The following GALNTL6 variants were observed in gnomAD, a reference collection of about 807,000 sequenced individuals.
GALNTL6 encodes the protein polypeptide N-acetylgalactosaminyltransferase like 6.
In GALNTL6, 46 loss-of-function variants were observed where a neutral mutation model predicts 73.7. That is an observed-to-expected ratio of 0.62 (90% CI 0.49 to 0.80). The LOEUF is 0.80. Ranked by LOEUF, GALNTL6 falls within the 30% of genes least tolerant of loss-of-function variation. GALNTL6 has a pLI of 0.00. For missense variants in GALNTL6, 604 were observed against 755.0 expected (o/e 0.80, Z 2.34); for synonymous variants, 259 against 263.7 (o/e 0.98, Z 0.17).
chr4:172,742,609 T>C (rs532793390), intron 5 of GALNTL6, among the ~76,000 whole-genome samples: 60 of 152,180 alleles, frequency 3.9e-4, no homozygotes, highest in African/African-American at 1.4e-3. Flanking sequence ...GAAGGGCCGC[T>C]ACCATGAAAA....
At chr4:171,905,725 T>C (rs545444685) in intron 2 of GALNTL6, among the ~76,000 whole-genome samples, 3 of 151,144 alleles carry the variant, frequency 2.0e-5, no homozygotes, top group East Asian at 1.9e-4. Context: ...TATTCCAAAA[T>C]TGACCACATA....
At chr4:172,944,015 A>G (rs1429927137) in intron 9 of GALNTL6, among the ~76,000 whole-genome samples, 5 of 152,240 alleles carry the variant, frequency 3.3e-5, no homozygotes, top group Non-Finnish European at 7.3e-5. Flanking sequence ...TAGACTTTAA[A>G]TGTAAAGGAT....
At chr4:172,741,227 C>T (rs1286258989) in intron 5 of GALNTL6, among the ~76,000 whole-genome samples, 1 of 152,074 alleles carries the variant, frequency 6.6e-6, no homozygotes, top group African/African-American at 2.4e-5. Context: ...GAAAGGTTCT[C>T]ATACCTTGGG....
chr4:171,831,482 T>C (rs1468812604), intron 2 of GALNTL6, among the ~76,000 whole-genome samples: 1 of 152,082 alleles, frequency 6.6e-6, no homozygotes, highest in East Asian at 1.9e-4. Flanking sequence ...TTGTTTGTAC[T>C]AGCACTACGG....
chr4:172,692,653 T>C (rs1234857312), intron 5 of GALNTL6, among the ~76,000 whole-genome samples: 1 of 152,202 alleles, frequency 6.6e-6, no homozygotes, highest in Non-Finnish European at 1.5e-5. Context: ...GTTTGCACTC[T>C]TATTTTTTAT....
chr4:172,064,374 G>T (rs989662367), intron 2 of GALNTL6, among the ~76,000 whole-genome samples: 4 of 152,282 alleles, frequency 2.6e-5, no homozygotes, highest in African/African-American at 7.2e-5. Flanking sequence ...TGTCTGAATA[G>T]TGTACGCTTG....
At chr4:171,883,892 C>A (rs2110915678) in intron 2 of GALNTL6, among the ~76,000 whole-genome samples, 1 of 152,240 alleles carries the variant, frequency 6.6e-6, no homozygotes, top group South Asian at 2.1e-4. Context: ...TGTGATCTGC[C>A]TGCCTCGGCC....
chr4:172,444,927 C>T (rs1731967360), intron 5 of GALNTL6, among the ~76,000 whole-genome samples: 1 of 152,134 alleles, frequency 6.6e-6, no homozygotes, highest in Non-Finnish European at 1.5e-5. Context: ...CCAGGATATT[C>T]TCGATGTCCT....
intron 5 of GALNTL6, among the ~76,000 whole-genome samples, chr4:172,457,558 C>T (rs1364879587): frequency 6.6e-6 from 1 of 152,110 alleles, no homozygotes; most frequent in Non-Finnish European, 1.5e-5. Context: ...GCAGGGATTG[C>T]AATCCTAGCC....
At chr4:171,863,232 CT>C (rs1735881171) in intron 2 of GALNTL6, among the ~76,000 whole-genome samples, 2 of 152,246 alleles carry the variant, frequency 1.3e-5, no homozygotes, top group South Asian at 4.1e-4. Context: ...GGAGGATTCT[CT>C]TTTATTTCAC....
Position 172,484,931 on chromosome 4 carries a change from G to T in GALNTL6, c.553+136242G>T, listed in dbSNP as rs192312028. Among the ~76,000 whole-genome samples the T allele has an allele frequency of 2.7e-3, 416 of 152,096 alleles. 5 individuals are homozygous for T. The highest frequency in any genetic ancestry group is 2.1e-3 in the Non-Finnish European group (145 of 67,940). On this transcript the variant is annotated intron_variant, in intron 5 of 12. Coordinates refer to ENST00000506823, the MANE Select transcript of GALNTL6 (RefSeq NM_001034845.3). ...GTTTTAAAGGCTGTGTTTTATTAAT[G>T]AATTTATCTTTTAAATTAACTCGTG... is the stretch of plus-strand genomic sequence containing the variant.
At chr4:172,473,808 T>C (rs958761066) in intron 5 of GALNTL6, among the ~76,000 whole-genome samples, 7 of 152,180 alleles carry the variant, frequency 4.6e-5, no homozygotes, top group East Asian at 1.9e-4. Flanking sequence ...GACTCCCAAA[T>C]TGATATCTCA....
chr4:172,430,092 C>CAT (rs772106646), intron 5 of GALNTL6, among the ~76,000 whole-genome samples: 27 of 150,836 alleles, frequency 1.8e-4, no homozygotes, highest in African/African-American at 4.1e-4. Context: ...TATATATATA[C>CAT]ATATATATAT....
intron 2 of GALNTL6, among the ~76,000 whole-genome samples, chr4:171,988,613 G>A (rs1032942176): frequency 1.5e-4 from 23 of 152,324 alleles, no homozygotes; most frequent in Admixed American, 3.3e-4. Flanking sequence ...CAATTCGGTT[G>A]ATAAGGCACA....
chr4:172,235,602 A>G (rs1049515771), intron 3 of GALNTL6, among the ~76,000 whole-genome samples: 3 of 152,164 alleles, frequency 2.0e-5, no homozygotes, highest in African/African-American at 7.2e-5. Flanking sequence ...CTTTTTAAAA[A>G]TTTTGTTTGC....
intron 2 of GALNTL6, among the ~76,000 whole-genome samples, chr4:172,136,159 A>G (rs937531811): frequency 6.6e-6 from 1 of 152,132 alleles, no homozygotes; most frequent in African/African-American, 2.4e-5. Flanking sequence ...TTAGCTTCAT[A>G]CTTTTATAAT....
At chr4:172,996,868 T>TTAAAA (rs1751816306) in intron 10 of GALNTL6, among the ~76,000 whole-genome samples, 1 of 152,200 alleles carries the variant, frequency 6.6e-6, no homozygotes. Flanking sequence ...AAGTCCAGGT[T>TTAAAA]TAAAATCTAG....
chr4:172,233,602 T>A (rs1432878901), intron 3 of GALNTL6, among the ~76,000 whole-genome samples: 1 of 152,150 alleles, frequency 6.6e-6, no homozygotes, highest in Non-Finnish European at 1.5e-5. Flanking sequence ...TTTTCTGGGT[T>A]CTCTATCCTG....
At chr4:172,398,659 C>A (rs1579035127) in intron 5 of GALNTL6, among the ~76,000 whole-genome samples, 1 of 152,046 alleles carries the variant, frequency 6.6e-6, no homozygotes, top group Non-Finnish European at 1.5e-5. Context: ...TGGTAAACTA[C>A]CTGAACATCC....
Sources: gnomAD v4.1 joint callset for allele counts (sites outside exome capture counted in the v4.1 genomes callset) on GRCh38, gnomAD v4.1.1 for gene constraint, MANE v1.5 for transcripts, NCBI Gene and HGNC (gene_info 2026-07-23, HGNC 2026-07-21) for gene names.